B4GALT6: variants seen among roughly 807,000 people sequenced by gnomAD.
The protein encoded by B4GALT6 is beta-1,4-galactosyltransferase 6.
A neutral mutation model predicts 46.3 loss-of-function variants in B4GALT6; 14 were observed. That is an observed-to-expected ratio of 0.30 (90% CI 0.20 to 0.47). The LOEUF (loss-of-function observed/expected upper bound fraction) is 0.47. Ranked by LOEUF, B4GALT6 falls within the 20% of genes least tolerant of loss-of-function variation. B4GALT6 has a pLI of 0.99. For missense variants in B4GALT6, 386 were observed against 480.1 expected (o/e 0.80, Z 1.83); for synonymous variants, 168 against 162.0 (o/e 1.04, Z -0.28).
At chr18:31,681,749 G>A (rs1361315831) in intron 1 of B4GALT6, among the ~76,000 whole-genome samples, 1 of 152,304 alleles carries the variant, frequency 6.6e-6, no homozygotes, top group South Asian at 2.1e-4. Context: ...CAGAAAACAA[G>A]TAGGGAAAGA....
At chr18:31,700,569 G>A in the B4GALT6 span, among the ~76,000 whole-genome samples, 1 of 151,790 alleles carries the variant, frequency 6.6e-6, no homozygotes, top group East Asian at 1.9e-4. Context: ...CCATTCTCCT[G>A]CCTCAGCCTC....
chr18:31,648,746 A>G (rs889308890), intron 3 of B4GALT6, among the ~76,000 whole-genome samples: 10 of 152,266 alleles, frequency 6.6e-5, no homozygotes, highest in Non-Finnish European at 1.5e-4. Context: ...TCTTAAAATA[A>G]CAAATATTCA....
At chr18:31,636,760 T>C in intron 5 of B4GALT6, among the ~76,000 whole-genome samples, 1 of 152,254 alleles carries the variant, frequency 6.6e-6, no homozygotes, top group East Asian at 1.9e-4. Context: ...TTCCAAAACA[T>C]CACTCTATCC....
intron 2 of B4GALT6, among the ~76,000 whole-genome samples, chr18:31,659,860 G>C (rs1199182736): frequency 6.6e-6 from 1 of 151,682 alleles, no homozygotes; most frequent in Non-Finnish European, 1.5e-5. Flanking sequence ...GGTAGCCCAT[G>C]CTCAATGTAT....
chr18:31,625,378 C>T lies in B4GALT6; in HGVS notation c.*236G>A. ...GGAGGGAGCTCTCTTAACTTCCGATCTTAAGTAGTGGCTTCCCGTTTCTGC... is the reference window on the plus strand; with the variant it reads ...GGAGGGAGCTCTCTTAACTTCCGATTTTAAGTAGTGGCTTCCCGTTTCTGC... On this transcript the variant is annotated 3_prime_UTR_variant, in exon 9 of 9. Coordinates refer to ENST00000306851, the MANE Select transcript of B4GALT6 (RefSeq NM_004775.5). 4 of 418,990 alleles carry T rather than the reference C, an allele frequency of 9.5e-6. No individual in the cohort carries two copies. The highest frequency in any genetic ancestry group is 1.7e-5 in the Non-Finnish European group (4 of 239,834). The allele number at this position is 418,990 out of a possible 1,614,324, so 26.0% of individuals were successfully genotyped here.
intron 1 of B4GALT6, among the ~76,000 whole-genome samples, chr18:31,673,289 G>C (rs1393100602): frequency 6.6e-6 from 1 of 152,048 alleles, no homozygotes; most frequent in Non-Finnish European, 1.5e-5. Context: ...ACAAAGGAGA[G>C]TGAAAGGACG....
At chr18:31,669,671 T>C (rs1228129501) in intron 1 of B4GALT6, among the ~76,000 whole-genome samples, 1 of 152,058 alleles carries the variant, frequency 6.6e-6, no homozygotes, top group Non-Finnish European at 1.5e-5. Context: ...CAGGAAAATG[T>C]TCAATAGAAG....
At chr18:31,684,166 G>C (rs764658676) in intron 1 of B4GALT6, 146 bp downstream of exon 1, 216 of 1,336,912 alleles carry the variant, frequency 1.6e-4, no homozygotes, top group Non-Finnish European at 2.1e-4. Flanking sequence ...GAAGCAGTTT[G>C]ACACGTCTGA....
In B4GALT6 at chr18:31,625,633, G is replaced by T. The variant is rs1432388219; in HGVS notation, c.1130C>A (p.Ala377Asp). 6.2e-7 allele frequency: 1 copy of T among 1,613,144 alleles called. No homozygotes were observed. The highest frequency in any genetic ancestry group is 1.1e-5 in the South Asian group (1 of 90,872). The change falls in exon 9 of 9, where the codon GCT (alanine) becomes GAT (aspartate). Residue 377 changes from alanine (A) to aspartate (D), a missense_variant. This residue lies in a region of B4GALT6 where 323 missense variants were observed against 438.9 expected (regional missense o/e 0.74). Coordinates refer to ENST00000306851, the MANE Select transcript of B4GALT6 (RefSeq NM_004775.5). ...NISVNLMPEL[A>D]PIEDY The stretch of plus-strand genomic sequence containing the variant: ...CTTCTTTTAATAGTCTTCGATTGGA[G>T]CTAACTCTGGCATGAGGTTTACAGA...
chr18:31,719,367 C>G, the B4GALT6 span, among the ~76,000 whole-genome samples: 29 of 152,126 alleles, frequency 1.9e-4, no homozygotes, highest in Non-Finnish European at 3.8e-4. Flanking sequence ...CATCTGGCAA[C>G]CTGCTCCAGA....
intron 4 of B4GALT6, among the ~76,000 whole-genome samples, chr18:31,645,147 T>C (rs964209288): frequency 2.6e-5 from 4 of 151,648 alleles, no homozygotes; most frequent in Non-Finnish European, 5.9e-5. Context: ...GAGCATCTAT[T>C]TTGTATCTAC....
At chr18:31,711,834 T>C in the B4GALT6 span, among the ~76,000 whole-genome samples, 1 of 152,164 alleles carries the variant, frequency 6.6e-6, no homozygotes, top group Non-Finnish European at 1.5e-5. Context: ...AATAAACTCT[T>C]GTCTATTTAT....
the B4GALT6 span, among the ~76,000 whole-genome samples, chr18:31,704,163 T>C: frequency 1.6e-4 from 25 of 151,752 alleles, no homozygotes; most frequent in African/African-American, 5.8e-4. Context: ...CTTCAGGATA[T>C]CTAGAAATAA....
At chr18:31,633,883 T>C (rs1282017409) in intron 5 of B4GALT6, among the ~76,000 whole-genome samples, 1 of 152,098 alleles carries the variant, frequency 6.6e-6, no homozygotes, top group Admixed American at 6.5e-5. Flanking sequence ...AATGATTTAC[T>C]ACTGCCGGTC....
intron 2 of B4GALT6, among the ~76,000 whole-genome samples, chr18:31,661,640 T>C (rs2074218597): frequency 6.6e-6 from 1 of 152,210 alleles, no homozygotes; most frequent in Admixed American, 6.5e-5. Flanking sequence ...ATAATTTTTC[T>C]GAATCTCTTC....
At chr18:31,641,762 C>T (rs1446492247) in intron 4 of B4GALT6, among the ~76,000 whole-genome samples, 2 of 152,220 alleles carry the variant, frequency 1.3e-5, no homozygotes, top group Non-Finnish European at 2.9e-5. Flanking sequence ...ATTCAGTTTG[C>T]TCCTACTTTA....
At chr18:31,666,494 A>G (rs2074284424) in intron 1 of B4GALT6, 122 bp from the exon 2 acceptor site, 3 of 412,446 alleles carry the variant, frequency 7.3e-6, no homozygotes, top group South Asian at 8.8e-5. Flanking sequence ...AGCACGTCCA[A>G]ACGCAAAACA....
intron 5 of B4GALT6, among the ~76,000 whole-genome samples, chr18:31,634,869 C>T (rs535787148): frequency 2.0e-5 from 3 of 152,252 alleles, no homozygotes; most frequent in East Asian, 3.9e-4. Flanking sequence ...AAAATAAAAA[C>T]GCAGACCTTA....
At chr18:31,636,016 C>T (rs2073853767) in intron 5 of B4GALT6, among the ~76,000 whole-genome samples, 1 of 152,182 alleles carries the variant, frequency 6.6e-6, no homozygotes, top group South Asian at 2.1e-4. Context: ...GACCTGCATA[C>T]ATATGACGTG....
Sources: allele counts gnomAD v4.1 joint callset (sites outside exome capture counted in the v4.1 genomes callset), GRCh38; gene constraint gnomAD v4.1.1; regional missense constraint gnomAD v4.1.1; transcripts MANE v1.5; gene names NCBI Gene and HGNC (gene_info 2026-07-23, HGNC 2026-07-21).